Variants in FRMD3 observed in about 807,000 individuals in gnomAD.
FRMD3 encodes the protein FERM domain containing 3.
FRMD3 carries 33 observed loss-of-function variants against 70.2 expected under a neutral mutation model. That is an observed-to-expected ratio of 0.47 (90% confidence interval 0.36 to 0.63). FRMD3 has a LOEUF of 0.63. Among genes scored for constraint, FRMD3 ranks in the 20% least tolerant of loss-of-function variants. The pLI is 0.00. For synonymous variants in FRMD3, 279 were observed against 255.9 expected (o/e 1.09, Z -0.86); for missense variants, 632 against 711.4 (o/e 0.89, Z 1.27).
chr9:83,376,678 C>A (rs923167867), intron 2 of FRMD3, among the ~76,000 whole-genome samples: 1 of 150,554 alleles, frequency 6.6e-6, no homozygotes, highest in South Asian at 2.1e-4. Context: ...TGGGCTCAAG[C>A]AATCCTCCCA....
chr9:83,436,354 A>C (rs10868008), intron 1 of FRMD3, among the ~76,000 whole-genome samples: 12,766 of 152,184 alleles, frequency 0.084, 612 homozygotes, highest in South Asian at 0.2. Flanking sequence ...CAGGCTTTAC[A>C]AAGGGCTCAA....
In FRMD3 at chr9:83,355,822, A is replaced by G. The variant is rs534507569; in HGVS notation, c.296-6065T>C. Among the ~76,000 whole-genome samples, 50 of 152,332 alleles carry G rather than the reference A, an allele frequency of 3.3e-4. 1 individual carries two copies. The highest frequency in any genetic ancestry group is 1.1e-3 in the African/African-American group (47 of 41,582). The stretch of plus-strand genomic sequence containing the variant: ...TAACTCAGCCATGTAAGTGCTAAAA[A>G]CAGAGCATACCACCAGAGTAGCAGA... On this transcript the variant is annotated intron_variant, in intron 3 of 13. Coordinates refer to ENST00000304195, the MANE Select transcript of FRMD3 (RefSeq NM_174938.6).
intron 1 of FRMD3, among the ~76,000 whole-genome samples, chr9:83,493,281 C>G (rs1828870902): frequency 6.6e-6 from 1 of 152,198 alleles, no homozygotes. Context: ...GCCCCCTCCA[C>G]CAGAACTTCC....
At position 83,401,566 on chromosome 9, in the gene FRMD3, C is replaced by T. The variant is rs190097950; in HGVS notation, c.148-11858G>A. ...GAATTCCAAAAGGTCAGTGAGTTAACACCACAGAGGTTTATTTCTCACTTA... is the reference window on the plus strand; with the variant it reads ...GAATTCCAAAAGGTCAGTGAGTTAATACCACAGAGGTTTATTTCTCACTTA... On this transcript the variant is annotated intron_variant, in intron 1 of 13. Transcript: ENST00000304195. Among the ~76,000 whole-genome samples the T allele has an allele frequency of 2.0e-5, 3 of 152,338 alleles. No homozygotes were observed. The East Asian group carries it at 5.8e-4, about 29-fold the overall frequency.
intron 1 of FRMD3, among the ~76,000 whole-genome samples, chr9:83,411,261 T>G (rs1202848481): frequency 6.6e-6 from 1 of 152,242 alleles, no homozygotes; most frequent in Non-Finnish European, 1.5e-5. Context: ...GAAGTTCACC[T>G]TCTTGGTGCT....
chr9:83,338,115 A>T (rs1823638322), intron 5 of FRMD3, among the ~76,000 whole-genome samples: 1 of 152,238 alleles, frequency 6.6e-6, no homozygotes, highest in Non-Finnish European at 1.5e-5. Flanking sequence ...ATGAACAGAC[A>T]ATTCAAAGAA....
At chr9:83,383,376 T>G (rs1825416017) in intron 2 of FRMD3, among the ~76,000 whole-genome samples, 1 of 152,246 alleles carries the variant, frequency 6.6e-6, no homozygotes, top group African/African-American at 2.4e-5. Context: ...TAGATCCTCA[T>G]CATTAACCTC....
rs543956495 is a variant in FRMD3 at position 83,247,694 on chromosome 9, G to T, written c.*224C>A. The T allele has an allele frequency of 1.8e-5, 24 of 1,320,852 alleles. No homozygotes were observed. The African/African-American group carries it at 2.1e-4, about 11-fold the overall frequency. The allele number at this position is 1,320,852 out of a possible 1,614,324, so 81.8% of individuals were successfully genotyped here. A position where few individuals can be genotyped will look rare whatever the true frequency, so the allele number is the denominator to read the frequency against. On this transcript the variant is annotated 3_prime_UTR_variant, in exon 14 of 14. Transcript: ENST00000304195. ...ATAATAAAAAATAAACATATTTTTG[G>T]TTATTTAAAGACCATCTTCCTAACC...
At chr9:83,278,099 A>G (rs1476018447) in intron 13 of FRMD3, among the ~76,000 whole-genome samples, 1 of 152,256 alleles carries the variant, frequency 6.6e-6, no homozygotes. Context: ...AAGACCTTCC[A>G]AGGAGCTGAA....
chr9:83,284,708 G>C (rs1286511101), intron 13 of FRMD3, among the ~76,000 whole-genome samples: 1 of 152,222 alleles, frequency 6.6e-6, no homozygotes, highest in East Asian at 1.9e-4. Context: ...GGGGGAAAAT[G>C]GTGGGAAGAA....
intron 6 of FRMD3, among the ~76,000 whole-genome samples, chr9:83,329,544 G>A (rs1410909198): frequency 2.0e-5 from 3 of 152,142 alleles, no homozygotes; most frequent in Admixed American, 6.6e-5. Context: ...AAACCTAGAC[G>A]TTTTTAAAAT....
At chr9:83,243,101 TG>T, downstream of FRMD3, 1 of 1,186,174 alleles carries the variant, frequency 8.4e-7, no homozygotes, top group Non-Finnish European at 1.2e-6. Flanking sequence ...GCCCACTGGG[TG>T]GGGCCCACCG....
At chr9:83,265,921 C>T (rs1833234433) in intron 13 of FRMD3, among the ~76,000 whole-genome samples, 1 of 152,090 alleles carries the variant, frequency 6.6e-6, no homozygotes, top group Non-Finnish European at 1.5e-5. Context: ...CATTGCAGTA[C>T]CATCTGTTAC....
intron 8 of FRMD3, among the ~76,000 whole-genome samples, chr9:83,311,062 G>A (rs529902058): frequency 1.3e-4 from 20 of 152,202 alleles, no homozygotes; most frequent in Middle Eastern, 3.4e-3. Flanking sequence ...AGCAAGGACC[G>A]GTTTAAATAG....
rs953705643 is a variant in FRMD3 at position 83,380,664 on chromosome 9, T to A, written c.253-7709A>T. On this transcript the variant is annotated intron_variant, in intron 2 of 13. Transcript: ENST00000304195. ...TTGGCCACTGCTAAGACAAAAAAAATTGCATCTAAAAGTAAACAATATAGC... is the reference window on the plus strand; with the variant it reads ...TTGGCCACTGCTAAGACAAAAAAAAATGCATCTAAAAGTAAACAATATAGC... Among the ~76,000 whole-genome samples, 7 of 152,254 alleles carry A rather than the reference T, an allele frequency of 4.6e-5. No individual in the cohort carries two copies. In the South Asian group the frequency reaches 1.2e-3, roughly 27 times the overall value.
the FRMD3 span, among the ~76,000 whole-genome samples, chr9:83,568,566 C>T: frequency 1.3e-5 from 2 of 152,014 alleles, no homozygotes; most frequent in South Asian, 4.1e-4. Flanking sequence ...CCTGATCTTA[C>T]TCATGTGTGG....
intron 6 of FRMD3, among the ~76,000 whole-genome samples, chr9:83,333,292 G>A (rs1355157829): frequency 6.6e-6 from 1 of 152,158 alleles, no homozygotes; most frequent in East Asian, 1.9e-4. Flanking sequence ...TCTTCACAAA[G>A]GCTTAATGGA....
At chr9:83,480,598 T>C (rs7021023) in intron 1 of FRMD3, among the ~76,000 whole-genome samples, 63,512 of 151,122 alleles carry the variant, frequency 0.42, 13,476 homozygotes, top group Middle Eastern at 0.46. Context: ...CGGGTTCAAG[T>C]GATTCTCCTG....
At chr9:83,522,213 A>C (rs921789060) in intron 1 of FRMD3, among the ~76,000 whole-genome samples, 12 of 152,378 alleles carry the variant, frequency 7.9e-5, no homozygotes, top group Admixed American at 2.0e-4. Context: ...TTCAAAGAAT[A>C]TCTCTTTTAT....
Sources: gnomAD v4.1 joint callset for allele counts (sites outside exome capture counted in the v4.1 genomes callset) on GRCh38, gnomAD v4.1.1 for gene constraint, MANE v1.5 for transcripts, NCBI Gene and HGNC (gene_info 2026-07-23, HGNC 2026-07-21) for gene names.